ZNF831: variants seen among roughly 807,000 people sequenced by gnomAD.
The protein encoded by ZNF831 is zinc finger protein 831.
A neutral mutation model predicts 95.8 loss-of-function variants in ZNF831; 59 were observed. The observed-to-expected ratio is 0.62, with a 90% CI of 0.50 to 0.77. The LOEUF (loss-of-function observed/expected upper bound fraction) is 0.77. ZNF831 is among the 30% of genes least tolerant of loss of function. The pLI is 0.00. For synonymous variants in ZNF831, 961 were observed against 925.5 expected (o/e 1.04, Z -0.70); for missense variants, 2,205 against 2,164.0 (o/e 1.02, Z -0.38).
chr20:59,188,000 T>A (rs1983199278), intron 1 of ZNF831, among the ~76,000 whole-genome samples: 1 of 152,248 alleles, frequency 6.6e-6, no homozygotes, highest in Admixed American at 6.5e-5. Context: ...TATGGCTGAT[T>A]ACGATTCTAC....
chr20:59,220,303 T>C (rs73309053), intron 4 of ZNF831, among the ~76,000 whole-genome samples: 2,579 of 152,276 alleles, frequency 0.017, 86 homozygotes, highest in African/African-American at 0.059. Context: ...CAAGACTCAC[T>C]CTCAACAAAA....
intron 3 of ZNF831, among the ~76,000 whole-genome samples, chr20:59,197,590 G>GC (rs1375598543): frequency 6.6e-6 from 1 of 152,180 alleles, no homozygotes; most frequent in Non-Finnish European, 1.5e-5. Flanking sequence ...TGCTGGCGTG[G>GC]CCCCCAGAGC....
intron 4 of ZNF831, among the ~76,000 whole-genome samples, chr20:59,234,593 A>G (rs1986899734): frequency 6.6e-6 from 1 of 152,194 alleles, no homozygotes; most frequent in Admixed American, 6.5e-5. Flanking sequence ...GTCCCAGAGA[A>G]TAAGGGAGAC....
Position 59,191,059 on chromosome 20 carries a change from A to T in ZNF831, c.40A>T (p.Arg14Trp). 6.7e-7 allele frequency: 1 copy of T among 1,500,106 alleles called. No individual in the cohort carries two copies. The highest frequency in any genetic ancestry group is 1.4e-5 in the African/African-American group (1 of 71,596). The allele number at this position is 1,500,106 out of a possible 1,614,324, so 92.9% of individuals were successfully genotyped here. A position where few individuals can be genotyped will look rare whatever the true frequency, so the allele number is the denominator to read the frequency against. Residue 14 changes from arginine (R) to tryptophan (W), a missense_variant, in exon 2 of 6, where the codon AGG becomes TGG. By Grantham distance (101) the Arg-to-Trp change is moderately radical. Transcript: ENST00000371030. The part of the protein sequence containing the change: ...PEPTCPAPPA[R>W]DQPAPTPGPP... The stretch of plus-strand genomic sequence containing the variant: ...ACCCACCTGCCCTGCCCCTCCTGCG[A>T]GGGACCAGCCAGCTCCCACTCCTGG...
intron 4 of ZNF831, among the ~76,000 whole-genome samples, chr20:59,239,383 G>A (rs960732885): frequency 2.6e-5 from 4 of 152,060 alleles, no homozygotes; most frequent in Non-Finnish European, 5.9e-5. Flanking sequence ...GTATTCTTTT[G>A]TGATTTGAAT....
At chr20:59,182,898 A>G (rs1158037615) in intron 1 of ZNF831, among the ~76,000 whole-genome samples, 1 of 152,234 alleles carries the variant, frequency 6.6e-6, no homozygotes, top group Admixed American at 6.5e-5. Context: ...TCTCACCCTC[A>G]GAGACCCTTC....
intron 2 of ZNF831, among the ~76,000 whole-genome samples, chr20:59,150,395 C>T (rs1006947212): frequency 6.6e-6 from 1 of 152,140 alleles, no homozygotes; most frequent in African/African-American, 2.4e-5. Flanking sequence ...ATACAGGATG[C>T]CCAGTTAAAA....
chr20:59,219,003 A>T (rs1009029646), intron 4 of ZNF831, among the ~76,000 whole-genome samples: 35 of 152,122 alleles, frequency 2.3e-4, no homozygotes, highest in African/African-American at 8.0e-4. Context: ...ACAGAGTGAG[A>T]CTCTGTCTCA....
chr20:59,253,088 C>T lies in ZNF831; in HGVS notation c.4138C>T (p.Leu1380Phe), dbSNP rs965364343. 3 of 1,614,014 alleles carry T rather than the reference C, an allele frequency of 1.9e-6. No homozygotes were observed. Among genetic ancestry groups the T allele is most frequent in the South Asian group, 2.2e-5 (2 of 91,076 alleles). The change falls in exon 5 of 6, where the codon CTT becomes TTT. Residue 1380 changes from leucine (L) to phenylalanine (F), a missense_variant. Physicochemically the swap from Leu to Phe is conservative, Grantham distance 22. Coordinates refer to ENST00000371030, the MANE Select transcript of ZNF831 (RefSeq NM_178457.3). Reference sequence around the variant, plus strand: ...CAGACAAACCTTAGGAACCCTCTCTCTTGGTACAAGTTCAAGAATTGTCAG... The same window carrying T: ...CAGACAAACCTTAGGAACCCTCTCTTTTGGTACAAGTTCAAGAATTGTCAG... ...DCRQTLGTLS[L>F]GTSSRIVREM...
chr20:59,180,401 G>A (rs1254366982), intron 1 of ZNF831, among the ~76,000 whole-genome samples: 1 of 152,054 alleles, frequency 6.6e-6, no homozygotes, highest in East Asian at 1.9e-4. Flanking sequence ...TGTGCAGAAC[G>A]TGCAGGCTTG....
chr20:59,242,291 C>T (rs912950819), intron 4 of ZNF831, among the ~76,000 whole-genome samples: 3 of 152,132 alleles, frequency 2.0e-5, no homozygotes, highest in Non-Finnish European at 4.4e-5. Flanking sequence ...GAGCTCTCTC[C>T]AATACCTTAA....
At chr20:59,243,302 A>G (rs1353850068) in intron 4 of ZNF831, among the ~76,000 whole-genome samples, 1 of 152,242 alleles carries the variant, frequency 6.6e-6, no homozygotes, top group Non-Finnish European at 1.5e-5. Context: ...GAAAAAATAG[A>G]AAAGCAAAGA....
intron 1 of ZNF831, among the ~76,000 whole-genome samples, chr20:59,145,124 G>C (rs1428869431): frequency 2.6e-5 from 4 of 152,216 alleles, no homozygotes. Flanking sequence ...CATGTTCATT[G>C]ATAACCATGT....
At chr20:59,159,669 CT>C (rs1304845714), upstream of ZNF831, 2 of 152,192 alleles carry the variant, frequency 1.3e-5, no homozygotes, top group African/African-American at 4.8e-5. Context: ...GATGATCAAC[CT>C]CTTCTGACAA....
In ZNF831 at chr20:59,191,000, G is replaced by T. The variant is rs2146541332; in HGVS notation, c.-20G>T. The T allele has an allele frequency of 6.8e-7, 1 of 1,471,178 alleles. No homozygotes were observed. Among genetic ancestry groups the T allele is most frequent in the Non-Finnish European group, 8.9e-7 (1 of 1,119,998 alleles). The allele number at this position is 1,471,178 out of a possible 1,614,324, so 91.1% of individuals were successfully genotyped here. Reference sequence around the variant, plus strand: ...TGTCTGCAGGTTTTCCAGCATTGTGGGCCATCCAGATGATGCGGAATGGAG... The same window carrying T: ...TGTCTGCAGGTTTTCCAGCATTGTGTGCCATCCAGATGATGCGGAATGGAG... On this transcript the variant is annotated 5_prime_UTR_variant, in exon 2 of 6. Transcript: ENST00000371030.
intron 1 of ZNF831, among the ~76,000 whole-genome samples, chr20:59,141,411 C>A (rs745884340): frequency 4.9e-4 from 74 of 152,166 alleles, no homozygotes; most frequent in Non-Finnish European, 9.4e-4. Context: ...ATAGATTTTT[C>A]TTTTCTTTCT....
chr20:59,140,588 C>T (rs1278919276), intron 1 of ZNF831, among the ~76,000 whole-genome samples: 1 of 152,184 alleles, frequency 6.6e-6, no homozygotes, highest in Non-Finnish European at 1.5e-5. Flanking sequence ...AGGGACCTTT[C>T]ACCCAGTTTC....
intron 4 of ZNF831, among the ~76,000 whole-genome samples, chr20:59,218,035 T>C (rs1985811604): frequency 1.3e-5 from 2 of 152,318 alleles, no homozygotes; most frequent in South Asian, 2.1e-4. Context: ...GCCCCAGTGT[T>C]ACTCAGCTAC....
At chr20:59,175,117 T>C (rs1982043504) in intron 1 of ZNF831, among the ~76,000 whole-genome samples, 1 of 152,044 alleles carries the variant, frequency 6.6e-6, no homozygotes, top group Admixed American at 6.6e-5. Flanking sequence ...GTTTTTTCTG[T>C]AGCTAAGGCA....
Sources: gnomAD v4.1 joint callset for allele counts (sites outside exome capture counted in the v4.1 genomes callset) on GRCh38, gnomAD v4.1.1 for gene constraint, MANE v1.5 for transcripts, NCBI Gene and HGNC (gene_info 2026-07-23, HGNC 2026-07-21) for gene names.